Variants in PDE4D observed in about 807,000 individuals in gnomAD.
The protein encoded by PDE4D is 3',5'-cyclic-AMP phosphodiesterase 4D.
A neutral mutation model predicts 87.4 loss-of-function variants in PDE4D; 24 were observed. That is an observed-to-expected ratio of 0.27 (90% CI 0.20 to 0.39). The LOEUF is 0.39. Among genes scored for constraint, PDE4D ranks in the 10% least tolerant of loss-of-function variants. The pLI, the probability that PDE4D is intolerant of heterozygous loss-of-function variation, is 1.00. For missense variants in PDE4D, 714 were observed against 1,041.0 expected, an observed-to-expected ratio of 0.69 and a Z score of 4.32; for synonymous variants, 384 against 383.2, an observed-to-expected ratio of 1.00 and a Z score of -0.02.
At chr5:59,561,168 T>C (rs1819905993) in intron 1 of PDE4D, among the ~76,000 whole-genome samples, 1 of 152,180 alleles carries the variant, frequency 6.6e-6, no homozygotes, top group African/African-American at 2.4e-5. Flanking sequence ...CTCTAACCCT[T>C]TCTTCTGTCA....
At chr5:60,056,001 A>G (rs939664652) in intron 2 of PDE4D, among the ~76,000 whole-genome samples, 3 of 152,144 alleles carry the variant, frequency 2.0e-5, no homozygotes, top group Non-Finnish European at 2.9e-5. Context: ...AGGCAGTTGC[A>G]TGAAGTTCTG....
intron 1 of PDE4D, among the ~76,000 whole-genome samples, chr5:59,612,369 G>A (rs534534863): frequency 7.7e-4 from 117 of 151,732 alleles, no homozygotes; most frequent in Non-Finnish European, 8.5e-4. Context: ...ATATAAATAT[G>A]GGCAAGTCTG....
At chr5:60,177,428 C>A (rs1038911773) in intron 2 of PDE4D, among the ~76,000 whole-genome samples, 4 of 151,978 alleles carry the variant, frequency 2.6e-5, no homozygotes, top group Admixed American at 1.3e-4. Flanking sequence ...TTTAAAGCAG[C>A]AAAAAATTTA....
At chr5:60,445,752 G>A (rs1270418728) in intron 1 of PDE4D, among the ~76,000 whole-genome samples, 2 of 152,022 alleles carry the variant, frequency 1.3e-5, no homozygotes, top group Non-Finnish European at 2.9e-5. Flanking sequence ...TAATAATACT[G>A]TATTATAGAC....
chr5:59,122,335 T>C (rs116343863), intron 5 of PDE4D, among the ~76,000 whole-genome samples: 120 of 152,192 alleles, frequency 7.9e-4, no homozygotes, highest in African/African-American at 2.8e-3. Flanking sequence ...TGTTCTCACA[T>C]ATGCAGGGGC....
At chr5:59,884,066 T>C (rs1350286751) in intron 1 of PDE4D, among the ~76,000 whole-genome samples, 1 of 152,040 alleles carries the variant, frequency 6.6e-6, no homozygotes, top group African/African-American at 2.4e-5. Flanking sequence ...TTAAAGGAAA[T>C]TGAGTAAGAG....
intron 1 of PDE4D, among the ~76,000 whole-genome samples, chr5:59,226,260 T>C (rs1753758893): frequency 6.6e-6 from 1 of 152,152 alleles, no homozygotes; most frequent in Non-Finnish European, 1.5e-5. Flanking sequence ...TATCCATCAA[T>C]GAACGAATGG....
chr5:59,662,748 T>C (rs2150293528), intron 1 of PDE4D, among the ~76,000 whole-genome samples: 1 of 152,370 alleles, frequency 6.6e-6, no homozygotes, highest in East Asian at 1.9e-4. Flanking sequence ...TTTATAATAT[T>C]CCATATGTGA....
chr5:59,180,833 T>C (rs1019437723), intron 4 of PDE4D, among the ~76,000 whole-genome samples, 189 bp from the exon 5 acceptor site: 2 of 152,176 alleles, frequency 1.3e-5, no homozygotes, highest in East Asian at 3.8e-4. Flanking sequence ...AGATCACACA[T>C]GTCCAAAAAG....
chr5:59,666,590 G>A (rs190414004), intron 1 of PDE4D, among the ~76,000 whole-genome samples: 8 of 152,252 alleles, frequency 5.3e-5, no homozygotes, highest in East Asian at 1.9e-4. Context: ...ATACAGTTCC[G>A]TCACTGCATT....
At chr5:60,235,087 C>T (rs1335369894) in intron 1 of PDE4D, among the ~76,000 whole-genome samples, 5 of 151,762 alleles carry the variant, frequency 3.3e-5, no homozygotes, top group Non-Finnish European at 1.5e-5. Flanking sequence ...AATATAACAG[C>T]TAAATTATCA....
chr5:59,604,209 T>G (rs1827885373), intron 1 of PDE4D, among the ~76,000 whole-genome samples: 1 of 152,068 alleles, frequency 6.6e-6, no homozygotes, highest in African/African-American at 2.4e-5. Flanking sequence ...CTTTATTTAC[T>G]TAGTCTCATT....
intron 1 of PDE4D, among the ~76,000 whole-genome samples, chr5:60,268,757 T>A (rs1275005334): frequency 6.6e-6 from 1 of 152,234 alleles, no homozygotes; most frequent in East Asian, 1.9e-4. Flanking sequence ...TATGGGCAGA[T>A]GTTCATTTTT....
chr5:60,037,179 G>A (rs1354443595), intron 2 of PDE4D, among the ~76,000 whole-genome samples: 2 of 152,176 alleles, frequency 1.3e-5, no homozygotes, highest in East Asian at 1.9e-4. Context: ...CAGGGAGAGA[G>A]TAAGCCATTA....
At chr5:59,185,567 G>A (rs1362882674) in intron 3 of PDE4D, among the ~76,000 whole-genome samples, 6 of 152,112 alleles carry the variant, frequency 3.9e-5, no homozygotes, top group African/African-American at 1.4e-4. Flanking sequence ...CAGATAACAT[G>A]ATTGCATTTT....
At chr5:60,413,721 T>A (rs1742241189) in intron 1 of PDE4D, among the ~76,000 whole-genome samples, 1 of 151,824 alleles carries the variant, frequency 6.6e-6, no homozygotes, top group Non-Finnish European at 1.5e-5. Context: ...GTTTATTTTT[T>A]TTTTTTTTGG....
rs973554799 is a variant in PDE4D at position 60,293,514 on chromosome 5, A to AAAAC, written c.-89-107831_-89-107828dup. On this transcript the variant is annotated intron_variant, in intron 1 of 16. Transcript: ENST00000502484. ...GGGTAACAGAGCGAGACTCTGTCTC[A>AAAAC]AAACAAACAAACAAACAAAAAAAAG... 4.6e-5 allele frequency among the ~76,000 whole-genome samples: 7 copies of AAAAC among 152,278 alleles called. No homozygotes were observed. In the South Asian group the frequency reaches 6.2e-4, roughly 14 times the overall value.
chr5:59,647,504 C>T (rs961115617), intron 1 of PDE4D, among the ~76,000 whole-genome samples: 7 of 149,226 alleles, frequency 4.7e-5, no homozygotes, highest in African/African-American at 9.9e-5. Context: ...TATACCTATA[C>T]CTGTTTAAAT....
chr5:60,108,811 A>G (rs1234919998), intron 2 of PDE4D, among the ~76,000 whole-genome samples: 1 of 152,164 alleles, frequency 6.6e-6, no homozygotes, highest in Non-Finnish European at 1.5e-5. Flanking sequence ...AGCCCTATGT[A>G]GAAAGCTGAA....
Sources: allele counts gnomAD v4.1 joint callset (sites outside exome capture counted in the v4.1 genomes callset), GRCh38; gene constraint gnomAD v4.1.1; transcripts MANE v1.5; gene names NCBI Gene and HGNC (gene_info 2026-07-23, HGNC 2026-07-21).